FKBP5: variants seen among roughly 807,000 people sequenced by gnomAD.
FKBP5 encodes the protein peptidyl-prolyl cis-trans isomerase FKBP5.
Under a neutral mutation model 50.5 loss-of-function variants are expected in FKBP5, and 23 were observed. The ratio of observed to expected loss-of-function variants is 0.46; its 90% CI spans 0.33 to 0.65. FKBP5 has a LOEUF of 0.65. Ranked by LOEUF, FKBP5 falls within the 30% of genes least tolerant of loss-of-function variation. The probability of loss-of-function intolerance (pLI) is 0.02; values close to 1 mark genes in which losing one functional copy is unlikely to be tolerated. For missense variants in FKBP5, 411 were observed against 553.1 expected, an observed-to-expected ratio of 0.74 and a Z score of 2.58; for synonymous variants, 176 against 190.6, an observed-to-expected ratio of 0.92 and a Z score of 0.63.
chr6:35,698,784 G>T (rs1261432542), intron 2 of FKBP5, among the ~76,000 whole-genome samples: 1 of 152,186 alleles, frequency 6.6e-6, no homozygotes, highest in East Asian at 1.9e-4. Flanking sequence ...CTCTCACATG[G>T]CAGGAGCAAG....
intron 2 of FKBP5, among the ~76,000 whole-genome samples, chr6:35,718,320 T>C (rs113194298): frequency 1.3e-5 from 2 of 152,178 alleles, no homozygotes; most frequent in African/African-American, 4.8e-5. Context: ...GGAAGAAAGC[T>C]GAGGCCCAGA....
intron 5 of FKBP5, among the ~76,000 whole-genome samples, chr6:35,605,933 G>C (rs1290546370): frequency 2.6e-5 from 4 of 152,176 alleles, no homozygotes; most frequent in African/African-American, 4.8e-5. Flanking sequence ...TGGATTAAAG[G>C]CTTAAATGTA....
At chr6:35,623,367 A>G (rs1419754725) in intron 3 of FKBP5, among the ~76,000 whole-genome samples, 1 of 152,188 alleles carries the variant, frequency 6.6e-6, no homozygotes, top group Non-Finnish European at 1.5e-5. Flanking sequence ...AAATAGACCT[A>G]CCTCATTCTT....
intron 1 of FKBP5, among the ~76,000 whole-genome samples, chr6:35,666,657 G>A (rs1212757933): frequency 2.0e-5 from 3 of 152,098 alleles, no homozygotes; most frequent in Non-Finnish European, 4.4e-5. Flanking sequence ...TTGGGAAGCT[G>A]AGGCAGGCGG....
chr6:35,639,135 C>T (rs535676177), intron 2 of FKBP5, among the ~76,000 whole-genome samples: 1 of 152,248 alleles, frequency 6.6e-6, no homozygotes, highest in Non-Finnish European at 1.5e-5. Context: ...CAAACCAGCA[C>T]TGGTTCTTTT....
chr6:35,599,551 C>G (rs936697983), intron 5 of FKBP5, among the ~76,000 whole-genome samples: 1 of 152,154 alleles, frequency 6.6e-6, no homozygotes, highest in East Asian at 1.9e-4. Context: ...GAAGTGAGTA[C>G]TCACTACTCT....
At chr6:35,724,675 G>C (rs1361371533) in intron 1 of FKBP5, among the ~76,000 whole-genome samples, 1 of 151,720 alleles carries the variant, frequency 6.6e-6, no homozygotes. Context: ...AGGACTGCTT[G>C]AGCCCCAGAG....
chr6:35,583,912 C>T (rs1762521713), intron 8 of FKBP5: 2 of 985,194 alleles, frequency 2.0e-6, no homozygotes, highest in African/African-American at 3.5e-5. Flanking sequence ...TATAGCAAAG[C>T]CCGATTTATC....
At chr6:35,623,398 A>G (rs868409142) in intron 3 of FKBP5, among the ~76,000 whole-genome samples, 2 of 152,164 alleles carry the variant, frequency 1.3e-5, no homozygotes, top group African/African-American at 4.8e-5. Flanking sequence ...TAATACTACA[A>G]TCTTCTATTG....
intron 5 of FKBP5, among the ~76,000 whole-genome samples, chr6:35,611,200 C>G (rs1410835463): frequency 6.6e-6 from 1 of 152,204 alleles, no homozygotes; most frequent in Non-Finnish European, 1.5e-5. Flanking sequence ...TTCTGATCCA[C>G]TCTTACATTC....
At chr6:35,680,756 T>C (rs1262699459) in intron 1 of FKBP5, among the ~76,000 whole-genome samples, 1 of 152,226 alleles carries the variant, frequency 6.6e-6, no homozygotes, top group African/African-American at 2.4e-5. Flanking sequence ...TGCCTCCTCT[T>C]CTTTGGCTAA....
At chr6:35,692,577 T>TC (rs1766008792), upstream of FKBP5, among the ~76,000 whole-genome samples, 1 of 152,172 alleles carries the variant, frequency 6.6e-6, no homozygotes, top group South Asian at 2.1e-4. Flanking sequence ...GGTGGGCGGA[T>TC]CACCTGAGGT....
intron 7 of FKBP5, among the ~76,000 whole-genome samples, chr6:35,590,662 G>A (rs1207173010): frequency 1.3e-5 from 2 of 152,086 alleles, no homozygotes; most frequent in African/African-American, 4.8e-5. Flanking sequence ...AGTGGCCCTC[G>A]AGGACTTGCA....
chr6:35,576,270 C>T (rs549505187), intron 10 of FKBP5, among the ~76,000 whole-genome samples: 2 of 152,226 alleles, frequency 1.3e-5, no homozygotes, highest in East Asian at 3.9e-4. Flanking sequence ...TGGCTGCCGA[C>T]CCTCAAGATA....
intron 2 of FKBP5, among the ~76,000 whole-genome samples, chr6:35,638,884 A>T (rs559666969): frequency 1.3e-5 from 2 of 152,328 alleles, no homozygotes; most frequent in African/African-American, 2.4e-5. Flanking sequence ...TGTAAGCCTC[A>T]CGTGGAAGGA....
rs180672585 is a variant in FKBP5 at position 35,587,046 on chromosome 6, G to A, written c.828C>T (p.Thr276=). 2.5e-5 allele frequency: 40 copies of A among 1,613,764 alleles called. No individual in the cohort carries two copies. Among genetic ancestry groups the A allele is most frequent in the African/African-American group, 6.7e-5 (5 of 74,986 alleles). Reference sequence around the variant, plus strand: ...GGGACTCACACACCTTGAAGTATACGGTTCCCTTCTCTTTGACAATGGCAG... The same window carrying A: ...GGGACTCACACACCTTGAAGTATACAGTTCCCTTCTCTTTGACAATGGCAG... ...EQAAIVKEKG[T]VYFKGGKYMQ... is the part of the protein sequence containing the mutation. Residue 276 remains threonine, a synonymous_variant, in exon 8 of 11, where the codon ACC becomes ACT. Transcript: ENST00000357266.
intron 1 of FKBP5, among the ~76,000 whole-genome samples, chr6:35,668,537 T>C (rs1359556929): frequency 6.6e-6 from 1 of 152,248 alleles, no homozygotes; most frequent in Non-Finnish European, 1.5e-5. Context: ...TTTCACTTAA[T>C]GTGGCCCCTA....
At chr6:35,612,275 T>C (rs1373255999) in intron 5 of FKBP5, among the ~76,000 whole-genome samples, 1 of 152,012 alleles carries the variant, frequency 6.6e-6, no homozygotes, top group South Asian at 2.1e-4. Context: ...CCTGTAGTCC[T>C]AGCTACTTGG....
At chr6:35,700,795 T>C (rs996918476) in intron 2 of FKBP5, among the ~76,000 whole-genome samples, 1 of 152,006 alleles carries the variant, frequency 6.6e-6, no homozygotes, top group African/African-American at 2.4e-5. Flanking sequence ...CTGTCTCTAC[T>C]AAAAATACAA....
Sources: allele counts gnomAD v4.1 joint callset (sites outside exome capture counted in the v4.1 genomes callset), GRCh38; gene constraint gnomAD v4.1.1; transcripts MANE v1.5; gene names NCBI Gene and HGNC (gene_info 2026-07-23, HGNC 2026-07-21).